The following TSGA10 variants were observed in gnomAD, a reference collection of about 807,000 sequenced individuals.
TSGA10 encodes the protein testis-specific gene 10 protein.
Under a neutral mutation model 96.6 loss-of-function variants are expected in TSGA10, and 43 were observed. That is an observed-to-expected ratio of 0.44 (90% CI 0.35 to 0.57). TSGA10 has a LOEUF of 0.57. Ranked by LOEUF, TSGA10 falls within the 20% of genes least tolerant of loss-of-function variation. The pLI, the probability that TSGA10 is intolerant of heterozygous loss-of-function variation, is 0.01. For missense variants in TSGA10, 703 were observed against 834.4 expected (o/e 0.84, Z 1.94); for synonymous variants, 229 against 269.9 (o/e 0.85, Z 1.48).
intron 17 of TSGA10, among the ~76,000 whole-genome samples, chr2:99,034,293 T>G (rs1298305850): frequency 1.3e-5 from 2 of 151,822 alleles, no homozygotes; most frequent in Non-Finnish European, 2.9e-5. Flanking sequence ...TCCCAGCTAC[T>G]CGGGAGGCTG....
chr2:99,101,908 T>C (rs1037942108), intron 10 of TSGA10: 2 of 609,856 alleles, frequency 3.3e-6, no homozygotes, highest in Non-Finnish European at 5.9e-6. Context: ...GGGAGTGCTG[T>C]TCAAAGGATA....
At position 99,076,547 on chromosome 2, in the gene TSGA10, T is replaced by A. The variant is rs188846912; in HGVS notation, c.882+2112A>T. On this transcript the variant is annotated intron_variant, in intron 12 of 20. Transcript: ENST00000393483. ...TTCATGTATCTATATCTCTATGGGATATAGATATAGATACATGAAGAGATG... is the reference window on the plus strand; with the variant it reads ...TTCATGTATCTATATCTCTATGGGAAATAGATATAGATACATGAAGAGATG... 2.6e-5 allele frequency among the ~76,000 whole-genome samples: 4 copies of A among 152,154 alleles called. No homozygotes were observed. In the East Asian group the frequency reaches 7.7e-4, roughly 29 times the overall value.
chr2:99,052,283 G>C (rs2083469809), intron 16 of TSGA10, among the ~76,000 whole-genome samples: 1 of 151,844 alleles, frequency 6.6e-6, no homozygotes, highest in Admixed American at 6.6e-5. Flanking sequence ...ATAAATGAAA[G>C]AAGAGACACA....
intron 20 of TSGA10, among the ~76,000 whole-genome samples, chr2:99,016,668 T>C (rs963166067): frequency 6.6e-6 from 1 of 152,108 alleles, no homozygotes; most frequent in Non-Finnish European, 1.5e-5. Flanking sequence ...CTAAAAAGCT[T>C]CTGCACAGCA....
chr2:99,055,507 G>A (rs2104392203), intron 16 of TSGA10, among the ~76,000 whole-genome samples: 1 of 151,870 alleles, frequency 6.6e-6, no homozygotes, highest in African/African-American at 2.4e-5. Flanking sequence ...CATATGAGGT[G>A]CTGGATATGT....
intron 10 of TSGA10, among the ~76,000 whole-genome samples, chr2:99,099,443 T>C (rs1025826608): frequency 6.6e-6 from 1 of 152,178 alleles, no homozygotes; most frequent in Non-Finnish European, 1.5e-5. Context: ...ACAAGCATAA[T>C]ATAGTGTGAC....
intron 10 of TSGA10, among the ~76,000 whole-genome samples, chr2:99,084,648 A>C (rs2088019059): frequency 6.6e-6 from 1 of 152,108 alleles, no homozygotes; most frequent in African/African-American, 2.4e-5. Flanking sequence ...ACAAGAATAG[A>C]CTAATAGAGC....
At chr2:99,112,291 G>C (rs985801851) in intron 4 of TSGA10, among the ~76,000 whole-genome samples, 2 of 152,082 alleles carry the variant, frequency 1.3e-5, no homozygotes, top group Non-Finnish European at 2.9e-5. Flanking sequence ...AAAGATAATA[G>C]TCAAAATATG....
At chr2:99,058,244 T>C (rs184366225) in intron 16 of TSGA10, among the ~76,000 whole-genome samples, 6 of 152,192 alleles carry the variant, frequency 3.9e-5, no homozygotes, top group African/African-American at 1.2e-4. Flanking sequence ...CACTATTAAA[T>C]TGTATACTTT....
intron 3 of TSGA10, among the ~76,000 whole-genome samples, chr2:99,118,257 C>T (rs1175603327): frequency 6.6e-6 from 1 of 151,676 alleles, no homozygotes; most frequent in Non-Finnish European, 1.5e-5. Context: ...TTGAGACCAG[C>T]CTCGCCAACA....
intron 1 of TSGA10, chr2:99,151,624 G>A (rs1309114592): frequency 6.6e-6 from 1 of 152,068 alleles, no homozygotes; most frequent in African/African-American, 2.4e-5. Context: ...AAAGATCACT[G>A]CCAATAAACT....
chr2:99,077,199 G>A (rs763590441), intron 12 of TSGA10, among the ~76,000 whole-genome samples: 4 of 128,176 alleles, frequency 3.1e-5, no homozygotes, highest in Non-Finnish European at 4.7e-5. Context: ...GGAGTAGGAT[G>A]GCACAAACTA....
chr2:99,150,841 T>C (rs144085307), intron 1 of TSGA10: 19,101 of 1,558,080 alleles, frequency 0.012, 172 homozygotes, highest in South Asian at 0.019. Flanking sequence ...ATGAAGCAAT[T>C]TGTACGTATT....
chr2:99,077,497 A>G (rs2086860127), intron 12 of TSGA10, among the ~76,000 whole-genome samples: 1 of 152,182 alleles, frequency 6.6e-6, no homozygotes, highest in Admixed American at 6.5e-5. Flanking sequence ...CTGCTTTCAG[A>G]AATCAGTTTA....
At chr2:99,011,061 GCC>G (rs2078954081) in intron 20 of TSGA10, among the ~76,000 whole-genome samples, 3 of 152,178 alleles carry the variant, frequency 2.0e-5, no homozygotes, top group African/African-American at 7.2e-5. Flanking sequence ...GCCGTGGCAA[GCC>G]CTGCCCAAGT....
At chr2:99,101,080 C>A (rs528747374) in intron 10 of TSGA10, among the ~76,000 whole-genome samples, 1 of 149,332 alleles carries the variant, frequency 6.7e-6, no homozygotes. Flanking sequence ...TGGCTAACAC[C>A]GTGAAACCCC....
At chr2:99,089,037 C>T (rs2088936097) in intron 10 of TSGA10, among the ~76,000 whole-genome samples, 1 of 152,176 alleles carries the variant, frequency 6.6e-6, no homozygotes, top group Non-Finnish European at 1.5e-5. Flanking sequence ...AAGAGGATTG[C>T]TCCTGCAGGA....
intron 20 of TSGA10, among the ~76,000 whole-genome samples, chr2:99,001,700 G>A (rs1319122598): frequency 6.6e-6 from 1 of 152,156 alleles, no homozygotes; most frequent in Admixed American, 6.6e-5. Context: ...GCTAAAGGAG[G>A]ACGTTTGAAC....
chr2:99,020,819 G>C (rs2079933321), intron 17 of TSGA10, among the ~76,000 whole-genome samples: 1 of 151,872 alleles, frequency 6.6e-6, no homozygotes. Context: ...GCTTTGTCCT[G>C]AGTTAGGTGA....
Sources: gnomAD v4.1 joint callset for allele counts (sites outside exome capture counted in the v4.1 genomes callset) on GRCh38, gnomAD v4.1.1 for gene constraint, MANE v1.5 for transcripts, NCBI Gene and HGNC (gene_info 2026-07-23, HGNC 2026-07-21) for gene names.